KMT2B: variants seen among roughly 807,000 people sequenced by gnomAD.
KMT2B encodes the protein histone-lysine N-methyltransferase 2B.
Under a neutral mutation model 255.3 loss-of-function variants are expected in KMT2B, and 22 were observed. That is an observed-to-expected ratio of 0.09 (90% CI 0.06 to 0.12). KMT2B has a LOEUF of 0.12. Among genes scored for constraint, KMT2B ranks in the 10% least tolerant of loss-of-function variants. KMT2B has a pLI of 1.00. For synonymous variants in KMT2B, 1,730 were observed against 1,498.1 expected (o/e 1.15, Z -3.57); for missense variants, 3,149 against 3,737.0 (o/e 0.84, Z 4.10).
rs1248648642 is a variant in KMT2B at position 35,729,251 on chromosome 19, C to T, written c.4872C>T (p.Gly1624=). 1 of 1,604,966 alleles carries T rather than the reference C, an allele frequency of 6.2e-7. No homozygotes were observed. Among genetic ancestry groups the T allele is most frequent in the African/African-American group, 1.3e-5 (1 of 74,884 alleles). The change falls in exon 22 of 37, where the codon GGC becomes GGT. Residue 1624 remains glycine, a synonymous_variant. Coordinates refer to ENST00000420124, the MANE Select transcript of KMT2B (RefSeq NM_014727.3). ...CGGAAGTCTTCGAGGAGAACGACGG[C>T]TCCCTCAAGAATGTGCATGCTGCTG... ...WSAEVFEEND[G]SLKNVHAAVA...
chr19:35,732,696 C>T lies in KMT2B; in HGVS notation c.6147C>T (p.Pro2049=), dbSNP rs967539479. 10 of 1,608,784 alleles carry T rather than the reference C, an allele frequency of 6.2e-6. No individual in the cohort carries two copies. Among genetic ancestry groups the T allele is most frequent in the Non-Finnish European group, 8.5e-6 (10 of 1,178,000 alleles). The change falls in exon 28 of 37, where the codon CCC becomes CCT. Residue 2049 remains proline, a synonymous_variant. Coordinates refer to ENST00000420124, the MANE Select transcript of KMT2B (RefSeq NM_014727.3). ...TGGTGTCCGCCCCTGGTCTGGCCCC[C>T]AGCGCTACCCCTGGAGCCCCCCGCA... ...VTVVSAPGLA[P]SATPGAPRIE... is the part of the protein sequence containing the mutation.
rs1969126331 is a variant in KMT2B, at chr19:35,720,182, C to G, written c.835C>G (p.Pro279Ala). ...GGGGCCCGGTCCAGGACCTGGGACC[C>G]CCAGGCGTGGAGGACAGTCAAGCCG... ...KEGPGPGPGT[P>A]RRGGQSSRGG... Residue 279 changes from proline (P) to alanine (A), a missense_variant, in exon 3 of 37, where the codon CCC (proline) becomes GCC (alanine). Physicochemically the swap from Pro to Ala is conservative, Grantham distance 27. Around this residue, in one of 18 missense-constraint regions of KMT2B, gnomAD observed 1,188 missense variants for 1,106.4 expected, o/e 1.07. Coordinates refer to ENST00000420124, the MANE Select transcript of KMT2B (RefSeq NM_014727.3). The G allele has an allele frequency of 6.2e-7, 1 of 1,606,142 alleles. No individual in the cohort carries two copies. Among genetic ancestry groups the G allele is most frequent in the Non-Finnish European group, 8.5e-7 (1 of 1,176,734 alleles).
rs34031911 is a variant in KMT2B, at chr19:35,718,798, T to G, written c.363+417T>G. On this transcript the variant is annotated intron_variant, in intron 1 of 36. Transcript: ENST00000420124. This position sits in a 1 kb window ranked among gnomAD's most constrained non-coding sequence, Gnocchi z 5.0. ...CGCCCCGCCGGGCCTCGCAACCTCC[T>G]GGTTTCTCCAGGGCCCCAGTTTCTC... Among the ~76,000 whole-genome samples the G allele has an allele frequency of 0.16, 24,383 of 152,216 alleles. 2,114 individuals are homozygous for G. Among genetic ancestry groups the G allele is most frequent in the Middle Eastern group, 0.3 (89 of 294 alleles).
Position 35,733,640 on chromosome 19 carries a change from C to T in KMT2B, c.7003C>T (p.Leu2335Phe), listed in dbSNP as rs775063117. The T allele has an allele frequency of 6.3e-7, 1 of 1,597,936 alleles. No homozygotes were observed. Among genetic ancestry groups the T allele is most frequent in the Non-Finnish European group, 8.5e-7 (1 of 1,172,780 alleles). ...GAAAACCCCCACAGTGCGTGGGGTCCTTGACCTGGATCGGCCTGGGGAGCC... is the reference window on the plus strand; with the variant it reads ...GAAAACCCCCACAGTGCGTGGGGTCTTTGACCTGGATCGGCCTGGGGAGCC... Reference protein sequence around the residue: ...RMKTPTVRGVLDLDRPGEPAG... With the variant: ...RMKTPTVRGVFDLDRPGEPAG... Residue 2335 changes from leucine to phenylalanine, a missense_variant, in exon 29 of 37, where the codon CTT becomes TTT. Physicochemically the swap from Leu to Phe is conservative, Grantham distance 22 (BLOSUM62 0). This residue lies in a region of KMT2B where 897 missense variants were observed against 825.3 expected (regional missense o/e 1.09). Transcript: ENST00000420124. This position sits in a 1 kb window ranked among gnomAD's most constrained non-coding sequence, Gnocchi z 4.3.
At chr19:35,724,900 T>TCTGGGA in intron 9 of KMT2B, 89 bp from the exon 10 acceptor site, 1 of 1,183,906 alleles carries the variant, frequency 8.4e-7, no homozygotes, top group Non-Finnish European at 1.2e-6. Context: ...AGGGTCTGGG[T>TCTGGGA]CCAGTAGGCT....
chr19:35,725,212 T>C lies in KMT2B; in HGVS notation c.3529-8T>C. Reference sequence around the variant, plus strand: ...GGCCCTCTGATCCTGCATCCTCTCTTCCCCCAGGAGGATTGTGATTTAGAG... The same window carrying C: ...GGCCCTCTGATCCTGCATCCTCTCTCCCCCCAGGAGGATTGTGATTTAGAG... On this transcript the variant is annotated splice_polypyrimidine_tract_variant and splice_region_variant and intron_variant, in intron 10 of 36. Coordinates refer to ENST00000420124, the MANE Select transcript of KMT2B (RefSeq NM_014727.3). The surrounding 1 kb of genome is among the most constrained non-coding windows in gnomAD (Gnocchi z 4.1). 6.2e-7 allele frequency: 1 copy of C among 1,610,040 alleles called. No individual in the cohort carries two copies.
chr19:35,727,691 T>G lies in KMT2B; in HGVS notation c.4303-7T>G. 1 of 1,613,592 alleles carries G rather than the reference T, an allele frequency of 6.2e-7. No homozygotes were observed. Among genetic ancestry groups the G allele is most frequent in the Middle Eastern group, 1.6e-4 (1 of 6,062 alleles). On this transcript the variant is annotated splice_polypyrimidine_tract_variant and splice_region_variant and intron_variant, in intron 16 of 36. Coordinates refer to ENST00000420124, the MANE Select transcript of KMT2B (RefSeq NM_014727.3). The surrounding 1 kb of genome is among the most constrained non-coding windows in gnomAD (Gnocchi z 4.2). ...CCCCCAGCCCTGCTAACTTCCCCGC[T>G]TTGCAGTGTGGGCCAGATGGGAAGC...
At chr19:35,728,664 CAT>C (rs936433497) in intron 19 of KMT2B, 108 bp from the exon 20 acceptor site, 3 of 768,494 alleles carry the variant, frequency 3.9e-6, no homozygotes, top group African/African-American at 3.4e-5. Flanking sequence ...AGAAATTCCA[CAT>C]AGAGAGGGAG....
At chr19:35,730,923 A>G in intron 26 of KMT2B, 56 bp downstream of exon 26, 1 of 1,496,096 alleles carries the variant, frequency 6.7e-7, no homozygotes, top group Non-Finnish European at 8.9e-7. Flanking sequence ...ACAAACCTAC[A>G]GATCTCTGTT....
chr19:35,737,694 G>A lies in KMT2B; in HGVS notation c.7609G>A (p.Gly2537Arg). 1.9e-6 allele frequency: 3 copies of A among 1,583,998 alleles called. No homozygotes were observed. The highest frequency in any genetic ancestry group is 2.6e-6 in the Non-Finnish European group (3 of 1,164,938). ...LASQHRVLPE[G>R]ATCDEEEDEV... The stretch of plus-strand genomic sequence containing the variant: ...CTCCCAGCACCGGGTGCTCCCTGAG[G>A]GGGCCACCTGTGATGAGGAAGAGGA... Residue 2537 changes from glycine (G) to arginine (R), a missense_variant, in exon 34 of 37, where the codon GGG becomes AGG. Transcript: ENST00000420124. This position sits in a 1 kb window ranked among gnomAD's most constrained non-coding sequence, Gnocchi z 5.3.
chr19:35,730,098 G>A lies in KMT2B; in HGVS notation c.5049G>A (p.Gln1683=), dbSNP rs760438732. The A allele has an allele frequency of 7.4e-5, 119 of 1,613,478 alleles. No individual in the cohort carries two copies. Among genetic ancestry groups the A allele is most frequent in the Non-Finnish European group, 9.7e-5 (114 of 1,179,736 alleles). The change falls in exon 23 of 37, where the codon CAG becomes CAA. Residue 1683 remains glutamine (Q), a synonymous_variant. Coordinates refer to ENST00000420124, the MANE Select transcript of KMT2B (RefSeq NM_014727.3). ...AGGATGACAAGAAAGTCTTCTGCCA[G>A]AAACACACTGATCTCCTGGATGGCA... ...IFQDDKKVFC[Q]KHTDLLDGKE...
rs2242521 is a variant in KMT2B at position 35,731,116 on chromosome 19, A to G, written c.5437+249A>G. On this transcript the variant is annotated intron_variant, in intron 26 of 36. Transcript: ENST00000420124. ...GGGGTACTGGCTTTTGGACGACTGC[A>G]GGGAGTAGAGTGCTTACAGCTCCCT... Among the ~76,000 whole-genome samples, 5,946 of 152,284 alleles carry G rather than the reference A, an allele frequency of 0.039. 234 individuals carry two copies. The highest frequency in any genetic ancestry group is 0.21 in the East Asian group (1,067 of 5,178).
chr19:35,737,233 A>G lies in KMT2B; in HGVS notation c.7520A>G (p.His2507Arg), dbSNP rs1444836191. The G allele has an allele frequency of 3.8e-6, 6 of 1,565,204 alleles. No individual in the cohort carries two copies. Among genetic ancestry groups the G allele is most frequent in the Non-Finnish European group, 5.2e-6 (6 of 1,155,804 alleles). ...CAGGAGGAGCCGCCCCTGAATCCCC[A>G]TGGGGCTGCTCGGGCAGAGGTCTAT... Reference protein sequence around the residue: ...EGQEEPPLNPHGAARAEVYLR... With the variant: ...EGQEEPPLNPRGAARAEVYLR... Residue 2507 changes from histidine (H) to arginine (R), a missense_variant, in exon 33 of 37, where the codon CAT becomes CGT. This residue lies in a region of KMT2B where 103 missense variants were observed against 200.7 expected (regional missense o/e 0.51). Coordinates refer to ENST00000420124, the MANE Select transcript of KMT2B (RefSeq NM_014727.3). This position sits in a 1 kb window ranked among gnomAD's most constrained non-coding sequence, Gnocchi z 5.3.
intron 26 of KMT2B, among the ~76,000 whole-genome samples, chr19:35,731,324 C>T (rs1192234391): frequency 6.6e-6 from 1 of 152,174 alleles, no homozygotes; most frequent in Non-Finnish European, 1.5e-5. Context: ...CTGGATGGCA[C>T]AGGGCAAAGA....
intron 30 of KMT2B, among the ~76,000 whole-genome samples, 187 bp downstream of exon 30, chr19:35,734,059 G>C (rs1969828435): frequency 6.6e-6 from 1 of 152,158 alleles, no homozygotes; most frequent in South Asian, 2.1e-4. Context: ...ACATGGAAAT[G>C]ACATTTCGCC....
chr19:35,737,195 G>A lies in KMT2B; in HGVS notation c.7482G>A (p.Gln2494=). 6.3e-7 allele frequency: 1 copy of A among 1,597,392 alleles called. No individual in the cohort carries two copies. The highest frequency in any genetic ancestry group is 1.1e-5 in the South Asian group (1 of 88,610). Residue 2494 remains glutamine, a synonymous_variant, in exon 33 of 37, where the codon CAG becomes CAA. Coordinates refer to ENST00000420124, the MANE Select transcript of KMT2B (RefSeq NM_014727.3). This position sits in a 1 kb window ranked among gnomAD's most constrained non-coding sequence, Gnocchi z 5.3. ...AGCACTATAAGTTCCGTTACCACCAGCAGGGAGAGGGCCAGGAGGAGCCGC... is the reference window on the plus strand; with the variant it reads ...AGCACTATAAGTTCCGTTACCACCAACAGGGAGAGGGCCAGGAGGAGCCGC... The part of the protein sequence containing the change: ...RCQHYKFRYH[Q]QGEGQEEPPL...
rs1475569251 is a variant in KMT2B, at chr19:35,737,663, C to T, written c.7578C>T (p.Phe2526=). ...AGTGCACCTTTGACATGTTCAACTT[C>T]CTGGCCTCCCAGCACCGGGTGCTCC... The part of the protein sequence containing the change: ...LRKCTFDMFN[F]LASQHRVLPE... Residue 2526 remains phenylalanine, a synonymous_variant, in exon 34 of 37, where the codon TTC becomes TTT. Coordinates refer to ENST00000420124, the MANE Select transcript of KMT2B (RefSeq NM_014727.3). This position sits in a 1 kb window ranked among gnomAD's most constrained non-coding sequence, Gnocchi z 5.3. 1.3e-6 allele frequency: 2 copies of T among 1,568,902 alleles called. No homozygotes were observed. The highest frequency in any genetic ancestry group is 1.7e-6 in the Non-Finnish European group (2 of 1,156,302).
rs904640692 is a variant in KMT2B, at chr19:35,727,179, C to A, written c.4027C>A (p.Arg1343Ser). The A allele has an allele frequency of 3.1e-6, 5 of 1,612,902 alleles. No individual in the cohort carries two copies. Among genetic ancestry groups the A allele is most frequent in the Non-Finnish European group, 4.2e-6 (5 of 1,179,456 alleles). Residue 1343 changes from arginine (R) to serine (S), a missense_variant, in exon 15 of 37, where the codon CGC (arginine) becomes AGC (serine). By Grantham distance (110) the Arg-to-Ser change is moderately radical (BLOSUM62 -1). Coordinates refer to ENST00000420124, the MANE Select transcript of KMT2B (RefSeq NM_014727.3). The surrounding 1 kb of genome is among the most constrained non-coding windows in gnomAD (Gnocchi z 4.2). The part of the protein sequence containing the change: ...EKGNYCPICT[R>S]CYEDNDYESK... ...AGGAAACTACTGCCCGATCTGTACA[C>A]GCTGCTATGAAGACAACGACTATGA...
In KMT2B at chr19:35,722,640, G is replaced by T. The variant is rs1969268218; in HGVS notation, c.2644G>T (p.Ala882Ser). 6.2e-7 allele frequency: 1 copy of T among 1,612,842 alleles called. No individual in the cohort carries two copies. The highest frequency in any genetic ancestry group is 8.5e-7 in the Non-Finnish European group (1 of 1,179,636). ...CRHAAVALGQ[A>S]RAMVPEDVPR... is the part of the protein sequence containing the mutation. Reference sequence around the variant, plus strand: ...TCATGCTGCTGTGGCCCTGGGTCAGGCCCGGGCCATGGTGCCTGAAGATGT... The same window carrying T: ...TCATGCTGCTGTGGCCCTGGGTCAGTCCCGGGCCATGGTGCCTGAAGATGT... The change falls in exon 5 of 37, where the codon GCC becomes TCC. Residue 882 changes from alanine to serine, a missense_variant. Ala to Ser is a moderately conservative substitution (Grantham distance 99, BLOSUM62 1). Around this residue, in one of 18 missense-constraint regions of KMT2B, gnomAD observed 132 missense variants for 174.7 expected, o/e 0.76. Transcript: ENST00000420124.
Sources: gnomAD v4.1 joint callset for allele counts (sites outside exome capture counted in the v4.1 genomes callset) on GRCh38, gnomAD v4.1.1 for gene constraint, gnomAD v4.1.1 regional missense constraint, Gnocchi (gnomAD v3.1) non-coding constraint, MANE v1.5 for transcripts, NCBI Gene and HGNC (gene_info 2026-07-23, HGNC 2026-07-21) for gene names.